Variants in FAT4 observed in about 807,000 individuals in gnomAD.
The protein encoded by FAT4 is protocadherin Fat 4.
Under a neutral mutation model 303.9 loss-of-function variants are expected in FAT4, and 84 were observed. The ratio of observed to expected loss-of-function variants is 0.28; its 90% CI spans 0.23 to 0.33. The LOEUF is 0.33. FAT4 is among the 10% of genes least tolerant of loss of function. The pLI is 1.00. For missense variants in FAT4, 6,005 were observed against 6,146.8 expected, an observed-to-expected ratio of 0.98 and a Z score of 0.77; for synonymous variants, 2,307 against 2,298.8, an observed-to-expected ratio of 1.00 and a Z score of -0.10.
intron 12 of FAT4, among the ~76,000 whole-genome samples, chr4:125,469,725 G>C (rs1383381339): frequency 1.3e-5 from 2 of 152,132 alleles, no homozygotes; most frequent in African/African-American, 4.8e-5. Flanking sequence ...TTCTCCCACT[G>C]TGTCTACCAC....
At position 125,316,157 on chromosome 4, in the gene FAT4, C is replaced by G. The variant is rs1346793650; in HGVS notation, c.-13+180C>G. On this transcript the variant is annotated intron_variant, in intron 1 of 17. Coordinates refer to ENST00000394329, the MANE Select transcript of FAT4 (RefSeq NM_001291303.3). The surrounding 1 kb of genome is among the most constrained non-coding windows in gnomAD (Gnocchi z 5.7). ...GAGAAACTTTTCTGGGAACTCAGCT[C>G]ACAGGAGTGTCCCGCGGAATGCCCT... is the stretch of plus-strand genomic sequence containing the variant. Among the ~76,000 whole-genome samples the G allele has an allele frequency of 6.6e-6, 1 of 152,130 alleles. No homozygotes were observed. The highest frequency in any genetic ancestry group is 1.5e-5 in the Non-Finnish European group (1 of 68,024).
intron 2 of FAT4, among the ~76,000 whole-genome samples, chr4:125,338,763 T>C (rs952103623): frequency 9.2e-5 from 14 of 152,202 alleles, no homozygotes; most frequent in Admixed American, 8.5e-4. Context: ...TTCATAAGGC[T>C]TTGTCTGCAT....
intron 2 of FAT4, among the ~76,000 whole-genome samples, chr4:125,384,731 C>T (rs1733668769): frequency 6.6e-6 from 1 of 151,846 alleles, no homozygotes; most frequent in African/African-American, 2.4e-5. Context: ...CTTAGAGCAA[C>T]ATGTAGTGTA....
At chr4:125,488,072 A>T (rs923475613) in intron 17 of FAT4, among the ~76,000 whole-genome samples, 11 of 152,240 alleles carry the variant, frequency 7.2e-5, no homozygotes, top group African/African-American at 2.7e-4. Flanking sequence ...AGAATTCTAA[A>T]ATATAGTGAA....
chr4:125,321,341 A>G lies in FAT4; in HGVS notation c.4930A>G (p.Ile1644Val), dbSNP rs754485366. ...AACTATTTTGAAGGAAGGAGAACCC[A>G]TTGGCACAAACGTGATATCAATAGA... ...YITILKEGEP[I>V]GTNVISIEAA... The change falls in exon 2 of 18, where the codon ATT becomes GTT. Residue 1644 changes from isoleucine (I) to valine (V), a missense_variant. Coordinates refer to ENST00000394329, the MANE Select transcript of FAT4 (RefSeq NM_001291303.3). 3.7e-6 allele frequency: 6 copies of G among 1,614,196 alleles called. No homozygotes were observed. Among genetic ancestry groups the G allele is most frequent in the Non-Finnish European group, 5.1e-6 (6 of 1,180,016 alleles).
At chr4:125,405,703 T>C (rs1159650611) in intron 3 of FAT4, among the ~76,000 whole-genome samples, 3 of 150,834 alleles carry the variant, frequency 2.0e-5, no homozygotes, top group South Asian at 2.2e-4. Context: ...GGGGTTTCAC[T>C]ATGTTGGCCA....
rs1259106476 is a variant in FAT4, at chr4:125,434,347, C to T, written c.7121C>T (p.Pro2374Leu). The T allele has an allele frequency of 1.2e-6, 2 of 1,614,056 alleles. No homozygotes were observed. The highest frequency in any genetic ancestry group is 2.2e-5 in the East Asian group (1 of 44,844). The change falls in exon 8 of 18, where the codon CCT becomes CTT. Residue 2374 changes from proline to leucine, a missense_variant. Physicochemically the swap from Pro to Leu is moderately conservative, Grantham distance 98. Transcript: ENST00000394329. ...FASKAYFTTI[P>L]EDAPTGTDVL... is the part of the protein sequence containing the mutation. ...AGTAAAGCGTATTTCACAACAATTC[C>T]TGAGGATGCACCAACTGGAACAGAT...
At position 125,315,690 on chromosome 4, in the gene FAT4, G is replaced by C. The variant is rs1432127782; in HGVS notation, c.-300G>C. On this transcript the variant is annotated 5_prime_UTR_variant, in exon 1 of 18. Transcript: ENST00000394329. The stretch of plus-strand genomic sequence containing the variant: ...GGCGGCTGCAGGAGGGGAAGGGGCA[G>C]AGTTGAGCGCTCCCGGGTACGGGAG... 6.6e-6 allele frequency among the ~76,000 whole-genome samples: 1 copy of C among 152,166 alleles called. No individual in the cohort carries two copies. The highest frequency in any genetic ancestry group is 2.4e-5 in the African/African-American group (1 of 41,458).
intron 10 of FAT4, among the ~76,000 whole-genome samples, chr4:125,460,075 C>A (rs11722169): frequency 0.51 from 78,008 of 151,724 alleles, 20,337 homozygotes; most frequent in Non-Finnish European, 0.57. Context: ...AAATTTAAAT[C>A]TGTTTTCCTA....
Position 125,414,860 on chromosome 4 carries a change from A to T in FAT4, c.5921-24A>T, listed in dbSNP as rs1560807723. The T allele has an allele frequency of 2.6e-6, 4 of 1,537,730 alleles. No individual in the cohort carries two copies. In the Admixed American group the frequency reaches 5.8e-5, roughly 22 times the overall value. ...CTGCAATCAGCATATGTTTAAGAAAATTTTTTCTTCCCTTTAATTTCAGGC... is the reference window on the plus strand; with the variant it reads ...CTGCAATCAGCATATGTTTAAGAAATTTTTTTCTTCCCTTTAATTTCAGGC... On this transcript the variant is annotated intron_variant, in intron 5 of 17. Coordinates refer to ENST00000394329, the MANE Select transcript of FAT4 (RefSeq NM_001291303.3).
Position 125,449,392 on chromosome 4 carries a change from C to T in FAT4, c.8382C>T (p.Thr2794=). ...ATTCCCCCTTAGGATACACAGTTAC[C>T]CGTGTCACAACTTCTGATGAAGACA... ...PENSPLGYTV[T]RVTTSDEDIG... Residue 2794 remains threonine (T), a synonymous_variant, in exon 10 of 18, where the codon ACC becomes ACT. Coordinates refer to ENST00000394329, the MANE Select transcript of FAT4 (RefSeq NM_001291303.3). 6.2e-7 allele frequency: 1 copy of T among 1,613,662 alleles called. No homozygotes were observed. The highest frequency in any genetic ancestry group is 8.5e-7 in the Non-Finnish European group (1 of 1,179,802).
intron 5 of FAT4, among the ~76,000 whole-genome samples, chr4:125,409,839 G>A (rs1365494632): frequency 3.9e-5 from 6 of 152,094 alleles, no homozygotes; most frequent in Middle Eastern, 3.2e-3. Context: ...AAATTAGTAC[G>A]TGTTTTTCCC....
rs113420745 is a variant in FAT4, at chr4:125,344,308, A to G, written c.5175+22722A>G. Among the ~76,000 whole-genome samples, 620 of 152,262 alleles carry G rather than the reference A, an allele frequency of 4.1e-3. 2 individuals are homozygous for G. The highest frequency in any genetic ancestry group is 0.02 in the Middle Eastern group (6 of 294). ...ATTGAGAAGCAAATTTATTAGGTGA[A>G]TTATTCCAATTTCCTAGTAATTAAA... On this transcript the variant is annotated intron_variant, in intron 2 of 17. Coordinates refer to ENST00000394329, the MANE Select transcript of FAT4 (RefSeq NM_001291303.3).
At chr4:125,401,418 TTC>T (rs1473108572) in intron 3 of FAT4, among the ~76,000 whole-genome samples, 2 of 152,134 alleles carry the variant, frequency 1.3e-5, no homozygotes, top group East Asian at 3.9e-4. Context: ...TTTAAAAATT[TTC>T]TCTCTTTTCA....
rs398122955 is a variant in FAT4 at position 125,434,349 on chromosome 4, G to A, written c.7123G>A (p.Glu2375Lys). Residue 2375 changes from glutamate (E) to lysine (K), a missense_variant, in exon 8 of 18, where the codon GAG becomes AAG. Glu to Lys is a moderately conservative substitution (Grantham distance 56). Transcript: ENST00000394329. ...ASKAYFTTIP[E>K]DAPTGTDVLL... ...TAAAGCGTATTTCACAACAATTCCT[G>A]AGGATGCACCAACTGGAACAGATGT... is the stretch of plus-strand genomic sequence containing the variant. 1 of 1,614,042 alleles carries A rather than the reference G, an allele frequency of 6.2e-7. No homozygotes were observed. The highest frequency in any genetic ancestry group is 1.7e-5 in the Admixed American group (1 of 60,014).
At chr4:125,393,884 C>T in intron 2 of FAT4, 1 of 771,868 alleles carries the variant, frequency 1.3e-6, no homozygotes, top group Non-Finnish European at 2.4e-6. Context: ...AGTTTTACTG[C>T]TCAGGGCTCA....
At chr4:125,368,816 A>C (rs1019649510) in intron 2 of FAT4, among the ~76,000 whole-genome samples, 1 of 151,970 alleles carries the variant, frequency 6.6e-6, no homozygotes, top group African/African-American at 2.4e-5. Context: ...AATTTCTGGA[A>C]ACTGTACTTT....
At chr4:125,442,059 T>C (rs1725678997) in intron 8 of FAT4, among the ~76,000 whole-genome samples, 1 of 152,180 alleles carries the variant, frequency 6.6e-6, no homozygotes, top group Admixed American at 6.6e-5. Context: ...ACAGAGAATA[T>C]ATGACCTGTA....
chr4:125,481,687 G>A lies in FAT4; in HGVS notation c.12771G>A (p.Glu4257=). ...AAGTAAAATTTAGGACCAGAAGCGA[G>A]AATGGCGTTTTAATCCATATCCAAG... ...SLEVKFRTRS[E]NGVLIHIQES... is the part of the protein sequence containing the mutation. Residue 4257 remains glutamate, a synonymous_variant, in exon 16 of 18, where the codon GAG becomes GAA. Coordinates refer to ENST00000394329, the MANE Select transcript of FAT4 (RefSeq NM_001291303.3). The A allele has an allele frequency of 6.2e-7, 1 of 1,614,024 alleles. No homozygotes were observed. The highest frequency in any genetic ancestry group is 1.1e-5 in the South Asian group (1 of 91,082).
Sources: allele counts gnomAD v4.1 joint callset (sites outside exome capture counted in the v4.1 genomes callset), GRCh38; gene constraint gnomAD v4.1.1; non-coding constraint Gnocchi (gnomAD v3.1); transcripts MANE v1.5; gene names NCBI Gene and HGNC (gene_info 2026-07-23, HGNC 2026-07-21).